The following EYS variants were observed in gnomAD, a reference collection of about 807,000 sequenced individuals.
The protein encoded by EYS is protein eyes shut homolog.
In EYS, 250 loss-of-function variants were observed where a neutral mutation model predicts 282.1. That is an observed-to-expected ratio of 0.89 (90% CI 0.80 to 0.98). EYS has a LOEUF of 0.98. EYS is among the 50% of genes least tolerant of loss of function. The probability of loss-of-function intolerance (pLI) is 0.00; values close to 1 mark genes in which losing one functional copy is unlikely to be tolerated. For synonymous variants in EYS, 1,355 were observed against 1,282.9 expected, an observed-to-expected ratio of 1.06 and a Z score of -1.20; for missense variants, 4,016 against 3,709.0, an observed-to-expected ratio of 1.08 and a Z score of -2.15.
chr6:64,936,306 T>C, intron 15 of EYS, among the ~76,000 whole-genome samples: 1 of 151,418 alleles, frequency 6.6e-6, no homozygotes, highest in Non-Finnish European at 1.5e-5. Context: ...CAAAATCTGG[T>C]AAAGTGTCCC....
intron 26 of EYS, among the ~76,000 whole-genome samples, chr6:64,449,057 T>A (rs1252138235): frequency 6.6e-6 from 1 of 151,930 alleles, no homozygotes; most frequent in East Asian, 1.9e-4. Context: ...CAAACTACTC[T>A]GAGCTAAAGA....
intron 36 of EYS, among the ~76,000 whole-genome samples, chr6:63,828,016 A>G (rs1023462037): frequency 2.6e-5 from 4 of 152,214 alleles, no homozygotes; most frequent in African/African-American, 7.2e-5. Flanking sequence ...ATCAAGATGG[A>G]AATTTAAAAA....
chr6:64,528,912 T>C lies in EYS; in HGVS notation c.5644+61311A>G, dbSNP rs146277505. Among the ~76,000 whole-genome samples the C allele has an allele frequency of 8.3e-3, 1,260 of 152,164 alleles. 12 individuals carry two copies. Among genetic ancestry groups the C allele is most frequent in the African/African-American group, 0.023 (940 of 41,572 alleles). On this transcript the variant is annotated intron_variant, in intron 26 of 42. Coordinates refer to ENST00000503581, the MANE Select transcript of EYS (RefSeq NM_001142800.2). ...AAATTGTTCTATCATCAAAAAGATATGGAAATTTGTGTTAAACAATAAATA... is the reference window on the plus strand; with the variant it reads ...AAATTGTTCTATCATCAAAAAGATACGGAAATTTGTGTTAAACAATAAATA...
At chr6:64,435,896 T>C (rs1298864827) in intron 28 of EYS, among the ~76,000 whole-genome samples, 1 of 152,092 alleles carries the variant, frequency 6.6e-6, no homozygotes, top group Non-Finnish European at 1.5e-5. Context: ...ACCAGTTTAG[T>C]TGATTTGTTA....
intron 18 of EYS, among the ~76,000 whole-genome samples, chr6:64,900,655 G>T (rs1212418082): frequency 1.3e-5 from 2 of 152,170 alleles, no homozygotes; most frequent in African/African-American, 4.8e-5. Flanking sequence ...GGTCATTAGA[G>T]AAATACAAAT....
intron 12 of EYS, among the ~76,000 whole-genome samples, chr6:65,069,471 G>A (rs530010709): frequency 6.6e-6 from 1 of 151,970 alleles, no homozygotes; most frequent in Admixed American, 6.6e-5. Flanking sequence ...AATCCAAACT[G>A]CGATCTTTTG....
At chr6:65,176,195 C>T (rs964974226) in intron 12 of EYS, among the ~76,000 whole-genome samples, 1 of 151,520 alleles carries the variant, frequency 6.6e-6, no homozygotes, top group East Asian at 2.0e-4. Flanking sequence ...AATTATTCCT[C>T]TTACATAACT....
At chr6:65,453,902 AC>A (rs1764504736) in intron 5 of EYS, among the ~76,000 whole-genome samples, 1 of 151,854 alleles carries the variant, frequency 6.6e-6, no homozygotes, top group Admixed American at 6.6e-5. Flanking sequence ...GAGTATAAAC[AC>A]CGTATTTTCT....
At chr6:64,794,772 T>G (rs1370305931) in intron 22 of EYS, among the ~76,000 whole-genome samples, 1 of 152,094 alleles carries the variant, frequency 6.6e-6, no homozygotes, top group Non-Finnish European at 1.5e-5. Flanking sequence ...ATGGGACAAT[T>G]CAAATAATCA....
intron 7 of EYS, among the ~76,000 whole-genome samples, chr6:65,390,198 T>C (rs545222056): frequency 1.7e-4 from 25 of 151,462 alleles, no homozygotes; most frequent in South Asian, 4.2e-4. Flanking sequence ...TATCAAAAAA[T>C]TTAAACAACC....
At chr6:63,848,423 C>T (rs1772155469) in intron 36 of EYS, among the ~76,000 whole-genome samples, 1 of 151,962 alleles carries the variant, frequency 6.6e-6, no homozygotes, top group Non-Finnish European at 1.5e-5. Context: ...CTCTGGTCTG[C>T]AGCTCCCAGC....
chr6:64,252,544 T>G (rs771639390), intron 30 of EYS, among the ~76,000 whole-genome samples: 1 of 152,100 alleles, frequency 6.6e-6, no homozygotes, highest in Non-Finnish European at 1.5e-5. Context: ...ATTCAGAGAC[T>G]CCCTATCATT....
intron 16 of EYS, 54 bp downstream of exon 16, chr6:64,912,430 C>T: frequency 6.7e-7 from 1 of 1,503,028 alleles, no homozygotes; most frequent in Non-Finnish European, 9.1e-7. Context: ...ACAATAAATA[C>T]ACAAACTAAT....
intron 12 of EYS, among the ~76,000 whole-genome samples, chr6:65,216,022 C>A (rs1279207972): frequency 6.9e-6 from 1 of 145,754 alleles, no homozygotes; most frequent in Non-Finnish European, 1.5e-5. Context: ...AGAACCAAAC[C>A]TGTAATTTCA....
chr6:64,526,537 AC>A (rs1777925329), intron 26 of EYS, among the ~76,000 whole-genome samples: 1 of 151,932 alleles, frequency 6.6e-6, no homozygotes, highest in African/African-American at 2.4e-5. Context: ...TGACCATTTA[AC>A]ATAGGTTGTA....
chr6:65,687,362 T>C (rs1769060180), intron 1 of EYS, among the ~76,000 whole-genome samples: 2 of 152,104 alleles, frequency 1.3e-5, no homozygotes, highest in South Asian at 4.1e-4. Context: ...ATATGACATA[T>C]GCTGATGTGA....
intron 28 of EYS, among the ~76,000 whole-genome samples, chr6:64,391,587 TCAC>T (rs1262867376): frequency 6.6e-6 from 1 of 151,998 alleles, no homozygotes; most frequent in Non-Finnish European, 1.5e-5. Flanking sequence ...AGAGATTTTG[TCAC>T]CACCAGGCCT....
At chr6:64,330,288 T>G (rs779263423) in intron 29 of EYS, among the ~76,000 whole-genome samples, 1 of 152,172 alleles carries the variant, frequency 6.6e-6, no homozygotes, top group East Asian at 1.9e-4. Context: ...AAAGAGACTG[T>G]GTGTGGCATT....
chr6:64,276,068 T>C (rs1323943926), intron 30 of EYS, among the ~76,000 whole-genome samples: 1 of 152,062 alleles, frequency 6.6e-6, no homozygotes, highest in Non-Finnish European at 1.5e-5. Flanking sequence ...TGCCTATACA[T>C]CCCTGAGATA....
Sources: gnomAD v4.1 joint callset for allele counts (sites outside exome capture counted in the v4.1 genomes callset) on GRCh38, gnomAD v4.1.1 for gene constraint, MANE v1.5 for transcripts, NCBI Gene and HGNC (gene_info 2026-07-23, HGNC 2026-07-21) for gene names.